The following CAGE1 variants were observed in gnomAD, a reference collection of about 807,000 sequenced individuals.
The protein encoded by CAGE1 is cancer-associated gene 1 protein.
CAGE1 carries 66 observed loss-of-function variants against 94.9 expected under a neutral mutation model. The observed-to-expected ratio is 0.70, with a 90% confidence interval of 0.57 to 0.85. The LOEUF is 0.85. Among genes scored for constraint, CAGE1 ranks in the 40% least tolerant of loss-of-function variants. CAGE1 has a pLI of 0.00. For missense variants in CAGE1, 865 were observed against 950.4 expected (o/e 0.91, Z 1.18); for synonymous variants, 319 against 321.0 (o/e 0.99, Z 0.07).
At chr6:7,342,143 G>A in intron 11 of CAGE1, 2 of 1,009,076 alleles carry the variant, frequency 2.0e-6, no homozygotes, top group Non-Finnish European at 3.2e-6. Context: ...CAATCACTCA[G>A]TTGGGGAACT....
chr6:7,385,852 T>C lies in CAGE1; in HGVS notation c.216A>G (p.Glu72=). 6.5e-7 allele frequency: 1 copy of C among 1,536,566 alleles called. No homozygotes were observed. Among genetic ancestry groups the C allele is most frequent in the Non-Finnish European group, 8.8e-7 (1 of 1,140,664 alleles). ...DLPQNEIKNF[E]RENEYESTLC... ...GTGTGGATTCATACTCATTTTCCCTTTCAAAATTCTTTATTTCGTTCTGTA... is the reference window on the plus strand; with the variant it reads ...GTGTGGATTCATACTCATTTTCCCTCTCAAAATTCTTTATTTCGTTCTGTA... Residue 72 remains glutamate (E), a synonymous_variant, in exon 3 of 14, where the codon GAA becomes GAG. Transcript: ENST00000502583.
intron 11 of CAGE1, among the ~76,000 whole-genome samples, chr6:7,351,657 A>G (rs1759771672): frequency 1.3e-5 from 2 of 151,946 alleles, no homozygotes. Flanking sequence ...ACTGAGTCCA[A>G]CAACATATCA....
chr6:7,333,984 A>G, intron 12 of CAGE1, 38 bp downstream of exon 12: 1 of 1,327,802 alleles, frequency 7.5e-7, no homozygotes, highest in Non-Finnish European at 1.0e-6. Flanking sequence ...CCTATATTTT[A>G]AAGACATTAT....
chr6:7,326,851 G>C lies in CAGE1; in HGVS notation c.*7C>G. 1 of 1,562,222 alleles carries C rather than the reference G, an allele frequency of 6.4e-7. No individual in the cohort carries two copies. The highest frequency in any genetic ancestry group is 8.8e-7 in the Non-Finnish European group (1 of 1,133,284). On this transcript the variant is annotated 3_prime_UTR_variant, in exon 14 of 14. Transcript: ENST00000502583. ...AAAAATGATTACTGTTTAATCTTCA[G>C]GCTTGTTTAATCTAAATCATTTCTA... is the stretch of plus-strand genomic sequence containing the variant.
intron 2 of CAGE1, 99 bp downstream of exon 2, chr6:7,386,880 G>A: frequency 1.2e-6 from 1 of 839,214 alleles, no homozygotes; most frequent in South Asian, 1.7e-5. Context: ...ACCGAATATT[G>A]TTTTATTGTT....
At chr6:7,364,571 C>A (rs1228368294) in intron 9 of CAGE1, among the ~76,000 whole-genome samples, 2 of 152,086 alleles carry the variant, frequency 1.3e-5, no homozygotes, top group East Asian at 1.9e-4. Flanking sequence ...TGAGTTCAAG[C>A]GATTCTCCTG....
chr6:7,373,519 A>T lies in CAGE1; in HGVS notation c.1300T>A (p.Ser434Thr). The change falls in exon 5 of 14, where the codon TCT becomes ACT. Residue 434 changes from serine (S) to threonine (T), a missense_variant. Physicochemically the swap from Ser to Thr is moderately conservative, Grantham distance 58. Coordinates refer to ENST00000502583, the MANE Select transcript of CAGE1 (RefSeq NM_001170692.2). ...YMTEMQQKNK[S>T]VSQYLEMDKT... ...TCCATCTCTAAATACTGACTTACAG[A>T]TTTATTTTTTTGTTGCATTTCAGTC... 6.2e-7 allele frequency: 1 copy of T among 1,613,614 alleles called. No individual in the cohort carries two copies. The highest frequency in any genetic ancestry group is 1.1e-5 in the South Asian group (1 of 91,050).
chr6:7,359,837 A>G (rs1760108941), intron 9 of CAGE1, among the ~76,000 whole-genome samples: 1 of 152,244 alleles, frequency 6.6e-6, no homozygotes, highest in African/African-American at 2.4e-5. Flanking sequence ...CACATCTTGT[A>G]TTCACTTTCT....
At position 7,385,865 on chromosome 6, in the gene CAGE1, A is replaced by C. The variant is rs1227076593; in HGVS notation, c.203T>G (p.Ile68Arg). 1 of 1,529,022 alleles carries C rather than the reference A, an allele frequency of 6.5e-7. No individual in the cohort carries two copies. The highest frequency in any genetic ancestry group is 2.5e-5 in the East Asian group (1 of 40,242). 94.7% of individuals were successfully genotyped at this position (1,529,022 alleles called of 1,614,324 possible). A position where few individuals can be genotyped will look rare whatever the true frequency, so the allele number is the denominator to read the frequency against. ...CTCATTTTCCCTTTCAAAATTCTTTATTTCGTTCTGTATTAATAAAAAAGG... is the reference window on the plus strand; with the variant it reads ...CTCATTTTCCCTTTCAAAATTCTTTCTTTCGTTCTGTATTAATAAAAAAGG... ...GTTCDLPQNE[I>R]KNFERENEYE... The change falls in exon 3 of 14, where the codon ATA becomes AGA. Residue 68 changes from isoleucine to arginine, a missense_variant. By Grantham distance (97) the Ile-to-Arg change is moderately conservative. Coordinates refer to ENST00000502583, the MANE Select transcript of CAGE1 (RefSeq NM_001170692.2).
At chr6:7,375,566 A>C (rs1760710072) in intron 4 of CAGE1, among the ~76,000 whole-genome samples, 1 of 152,102 alleles carries the variant, frequency 6.6e-6, no homozygotes, top group South Asian at 2.1e-4. Flanking sequence ...GTGATACCCT[A>C]TCTCTTCAAA....
intron 11 of CAGE1, among the ~76,000 whole-genome samples, chr6:7,336,254 A>G (rs550226971): frequency 6.6e-6 from 1 of 152,380 alleles, no homozygotes; most frequent in South Asian, 2.1e-4. Flanking sequence ...ACCCAAGGAA[A>G]GAAAGTGAAA....
At chr6:7,385,930 G>A in intron 2 of CAGE1, 58 bp from the exon 3 acceptor site, 1 of 903,942 alleles carries the variant, frequency 1.1e-6, no homozygotes, top group Middle Eastern at 2.2e-4. Flanking sequence ...TTCTTCTAAA[G>A]GTATTTGCAC....
chr6:7,389,557 C>T lies in CAGE1; in HGVS notation c.-379G>A. On this transcript the variant is annotated 5_prime_UTR_variant, in exon 1 of 14. Transcript: ENST00000502583. The stretch of plus-strand genomic sequence containing the variant: ...GTGGTGAAGTTAGGAAGGTACGACC[C>T]CCTAGGCCGAACAGCCTGTGGGCTA... 3.0e-6 allele frequency: 1 copy of T among 336,576 alleles called. No homozygotes were observed. The highest frequency in any genetic ancestry group is 5.9e-6 in the Non-Finnish European group (1 of 168,342). 20.8% of individuals were successfully genotyped at this position (336,576 alleles called of 1,614,324 possible). A position where few individuals can be genotyped will look rare whatever the true frequency, so the allele number is the denominator to read the frequency against.
chr6:7,374,209 G>T, intron 4 of CAGE1, 78 bp from the exon 5 acceptor site: 3 of 1,178,748 alleles, frequency 2.5e-6, no homozygotes, highest in Non-Finnish European at 3.6e-6. Flanking sequence ...GGCTGGCCTT[G>T]AATTCTATTA....
intron 11 of CAGE1, among the ~76,000 whole-genome samples, chr6:7,346,273 G>A (rs1010795216): frequency 2.0e-5 from 3 of 152,194 alleles, no homozygotes; most frequent in African/African-American, 7.2e-5. Context: ...AAGTAAATCA[G>A]GGCGGGTGCA....
intron 11 of CAGE1, among the ~76,000 whole-genome samples, chr6:7,340,687 T>C (rs1561848984): frequency 6.6e-6 from 1 of 152,120 alleles, no homozygotes; most frequent in Non-Finnish European, 1.5e-5. Flanking sequence ...AGCCCACAAT[T>C]TTCTTAGTTG....
At chr6:7,355,314 T>C (rs1026831759) in intron 10 of CAGE1, among the ~76,000 whole-genome samples, 1 of 152,142 alleles carries the variant, frequency 6.6e-6, no homozygotes, top group Non-Finnish European at 1.5e-5. Context: ...AAACGTGAAG[T>C]ACCAAAAAAT....
In CAGE1 at chr6:7,331,549, A is replaced by G; in HGVS notation, c.2439-1661T>C. On this transcript the variant is annotated intron_variant, in intron 12 of 13. Coordinates refer to ENST00000502583, the MANE Select transcript of CAGE1 (RefSeq NM_001170692.2). ...GCCCTGGTTTGAAACTCTTTGGTTT[A>G]GCTGAGACACACCATTCTGGGCCCC... is the stretch of plus-strand genomic sequence containing the variant. 7 of 380,514 alleles carry G rather than the reference A, an allele frequency of 1.8e-5. No homozygotes were observed. The South Asian group carries it at 2.7e-4, about 15-fold the overall frequency. 23.6% of individuals were successfully genotyped at this position (380,514 alleles called of 1,614,324 possible).
intron 11 of CAGE1, among the ~76,000 whole-genome samples, chr6:7,349,054 C>T (rs1436946587): frequency 6.6e-6 from 1 of 152,122 alleles, no homozygotes; most frequent in Admixed American, 6.5e-5. Context: ...ACAAGAAGCA[C>T]AAAAAACACC....
Sources: allele counts gnomAD v4.1 joint callset (sites outside exome capture counted in the v4.1 genomes callset), GRCh38; gene constraint gnomAD v4.1.1; transcripts MANE v1.5; gene names NCBI Gene and HGNC (gene_info 2026-07-23, HGNC 2026-07-21).